The following PPIP5K2 variants were observed in gnomAD, a reference collection of about 807,000 sequenced individuals.
The protein encoded by PPIP5K2 is diphosphoinositol pentakisphosphate kinase 2.
A neutral mutation model predicts 154.6 loss-of-function variants in PPIP5K2; 105 were observed. The ratio of observed to expected loss-of-function variants is 0.68; its 90% CI spans 0.58 to 0.80. The LOEUF is 0.80. Among genes scored for constraint, PPIP5K2 ranks in the 30% least tolerant of loss-of-function variants. The probability of loss-of-function intolerance (pLI) is 0.00; values close to 1 mark genes in which losing one functional copy is unlikely to be tolerated. For missense variants in PPIP5K2, 992 were observed against 1,504.6 expected (o/e 0.66, Z 5.64); for synonymous variants, 480 against 490.3 (o/e 0.98, Z 0.28).
At position 103,207,146 on chromosome 5, in the gene PPIP5K2, CAT is replaced by C. The variant is rs1166013335; in HGVS notation, c.*5513_*5514del. The C allele has an allele frequency of 6.6e-6, 1 of 152,226 alleles. No homozygotes were observed. Among genetic ancestry groups the C allele is most frequent in the Non-Finnish European group, 1.5e-5 (1 of 68,076 alleles). The allele number at this position is 152,226 out of a possible 1,614,324, so 9.4% of individuals were successfully genotyped here. On this transcript the variant is annotated 3_prime_UTR_variant, in exon 31 of 31. Transcript: ENST00000358359. ...CCAGAGACTGGCTGTGTTTAAATCT[CAT>C]GTGGGAAGGGCACCTTTCCCCTACA... is the stretch of plus-strand genomic sequence containing the variant.
intron 24 of PPIP5K2, 76 bp downstream of exon 24, chr5:103,180,264 G>T: frequency 7.9e-7 from 1 of 1,260,286 alleles, no homozygotes; most frequent in Non-Finnish European, 1.0e-6. Context: ...AGAAAATACA[G>T]CTTTAATTGT....
In PPIP5K2 at chr5:103,151,388, A is replaced by C; in HGVS notation, c.1028+14A>C. Reference sequence around the variant, plus strand: ...AAAAATACTTGGGTAAGAATTTTTAAATTTTTCTTTTTACCTTCATATACT... The same window carrying C: ...AAAAATACTTGGGTAAGAATTTTTACATTTTTCTTTTTACCTTCATATACT... On this transcript the variant is annotated intron_variant, in intron 9 of 30. Transcript: ENST00000358359. 6.3e-7 allele frequency: 1 copy of C among 1,579,612 alleles called. No individual in the cohort carries two copies. The highest frequency in any genetic ancestry group is 8.6e-7 in the Non-Finnish European group (1 of 1,159,354).
At chr5:103,122,976 A>C (rs1789026575) in intron 1 of PPIP5K2, among the ~76,000 whole-genome samples, 2 of 152,230 alleles carry the variant, frequency 1.3e-5, no homozygotes, top group Admixed American at 6.5e-5. Flanking sequence ...AGTCTCAAGC[A>C]GTGTGGTAAG....
Position 103,177,775 on chromosome 5 carries a change from G to T in PPIP5K2, c.2637+1G>T. 1 of 1,605,342 alleles carries T rather than the reference G, an allele frequency of 6.2e-7. No homozygotes were observed. On this transcript the variant is annotated splice_donor_variant, in intron 22 of 30. Coordinates refer to ENST00000358359, the MANE Select transcript of PPIP5K2 (RefSeq NM_001276277.3). LOFTEE classifies it high-confidence loss of function. ...CATGCTTTATGAGGATCCTAATAAG[G>T]TAAACAGAGCTCTTGATTTGTGTTT...
intron 19 of PPIP5K2, among the ~76,000 whole-genome samples, chr5:103,168,990 A>AT (rs1554218779): frequency 6.6e-6 from 1 of 151,776 alleles, no homozygotes; most frequent in Non-Finnish European, 1.5e-5. Flanking sequence ...CTTATATAAA[A>AT]TTTTTTGCAA....
intron 24 of PPIP5K2, 72 bp downstream of exon 24, chr5:103,180,260 T>C: frequency 7.7e-7 from 1 of 1,300,692 alleles, no homozygotes; most frequent in Non-Finnish European, 1.0e-6. Flanking sequence ...GAAAAGAAAA[T>C]ACAGCTTTAA....
intron 5 of PPIP5K2, among the ~76,000 whole-genome samples, chr5:103,143,802 C>T (rs1793262408): frequency 7.2e-6 from 1 of 138,250 alleles, no homozygotes; most frequent in African/African-American, 2.5e-5. Flanking sequence ...GATAAAAGCG[C>T]TATATGACAA....
chr5:103,154,811 T>G, intron 12 of PPIP5K2, 23 bp from the exon 13 acceptor site: 1 of 1,546,064 alleles, frequency 6.5e-7, no homozygotes, highest in Non-Finnish European at 8.7e-7. Flanking sequence ...AAAAATTCAA[T>G]TTTTTATTAA....
At chr5:103,163,561 T>A (rs1318285349) in intron 17 of PPIP5K2, among the ~76,000 whole-genome samples, 9 of 151,946 alleles carry the variant, frequency 5.9e-5, no homozygotes, top group Admixed American at 5.9e-4. Context: ...TTTCTTGCTT[T>A]CCATAGGTAG....
Position 103,131,482 on chromosome 5 carries a change from TA to T in PPIP5K2, c.114+1783del, listed in dbSNP as rs1790600380. Among the ~76,000 whole-genome samples, 9 of 152,272 alleles carry T rather than the reference TA, an allele frequency of 5.9e-5. No homozygotes were observed. In the South Asian group the frequency reaches 1.9e-3, roughly 32 times the overall value. On this transcript the variant is annotated intron_variant, in intron 2 of 30. Transcript: ENST00000358359. ...ACATGATTAATTGAATCCATGGATG[TA>T]AAACCCATGGATATGGAGGGCCAAC... is the stretch of plus-strand genomic sequence containing the variant.
chr5:103,158,578 A>G lies in PPIP5K2; in HGVS notation c.1737+5A>G, dbSNP rs782379068. On this transcript the variant is annotated splice_donor_5th_base_variant and intron_variant, in intron 16 of 30. Transcript: ENST00000358359. The stretch of plus-strand genomic sequence containing the variant: ...ACTGCAGCTGCTTTTGCAAAGGTAT[A>G]AATAATTTTTTTTTAGAATTATTAG... 2 of 1,566,224 alleles carry G rather than the reference A, an allele frequency of 1.3e-6. No homozygotes were observed. Among genetic ancestry groups the G allele is most frequent in the Non-Finnish European group, 1.7e-6 (2 of 1,164,976 alleles).
chr5:103,158,042 A>G (rs1795689784), intron 14 of PPIP5K2, 146 bp from the exon 15 acceptor site: 21 of 821,046 alleles, frequency 2.6e-5, no homozygotes, highest in Non-Finnish European at 3.8e-5. Flanking sequence ...ATTAAGGAAC[A>G]TACATGCAAC....
chr5:103,146,730 G>T (rs375795954), intron 6 of PPIP5K2, 49 bp downstream of exon 6: 6 of 1,455,586 alleles, frequency 4.1e-6, no homozygotes, highest in Admixed American at 2.1e-5. Context: ...GTACATTGTC[G>T]TGTATTATTA....
At chr5:103,194,780 C>T in intron 29 of PPIP5K2, 120 bp from the exon 30 acceptor site, 21 of 1,118,094 alleles carry the variant, frequency 1.9e-5, no homozygotes, top group South Asian at 9.0e-5. Flanking sequence ...TTACCTTGAC[C>T]ATTTTCTTCT....
At chr5:103,186,575 A>G in intron 27 of PPIP5K2, 136 bp downstream of exon 27, 1 of 1,223,742 alleles carries the variant, frequency 8.2e-7, no homozygotes, top group Non-Finnish European at 1.2e-6. Context: ...AATGACTATC[A>G]GTGCTCTCTG....
rs1366565803 is a variant in PPIP5K2, at chr5:103,154,659, T to A, written c.1218-11T>A. The A allele has an allele frequency of 1.4e-6, 2 of 1,461,774 alleles. No individual in the cohort carries two copies. The highest frequency in any genetic ancestry group is 1.9e-6 in the Non-Finnish European group (2 of 1,066,130). 90.6% of individuals were successfully genotyped at this position (1,461,774 alleles called of 1,614,324 possible). A position where few individuals can be genotyped will look rare whatever the true frequency, so the allele number is the denominator to read the frequency against. On this transcript the variant is annotated splice_polypyrimidine_tract_variant and intron_variant, in intron 11 of 30. Coordinates refer to ENST00000358359, the MANE Select transcript of PPIP5K2 (RefSeq NM_001276277.3). ...TGCAAGTGACTAACAGTGTTCTGTC[T>A]TTTTTATAAGATTTTTTGATCTTTT... is the stretch of plus-strand genomic sequence containing the variant.
rs1795103264 is a variant in PPIP5K2, at chr5:103,154,521, T to G, written c.1218-149T>G. On this transcript the variant is annotated intron_variant, in intron 11 of 30. Coordinates refer to ENST00000358359, the MANE Select transcript of PPIP5K2 (RefSeq NM_001276277.3). ...TATCAATCAAAGTTGAGCAGCAACA[T>G]GTACAGTGAAAGAGGAAACACAGTA... is the stretch of plus-strand genomic sequence containing the variant. 8 of 533,646 alleles carry G rather than the reference T, an allele frequency of 1.5e-5. No individual in the cohort carries two copies. In the South Asian group the frequency reaches 2.2e-4, roughly 15 times the overall value. 33.1% of individuals were successfully genotyped at this position (533,646 alleles called of 1,614,324 possible).
At chr5:103,170,425 T>C (rs1435320358) in intron 19 of PPIP5K2, among the ~76,000 whole-genome samples, 1 of 151,602 alleles carries the variant, frequency 6.6e-6, no homozygotes, top group African/African-American at 2.4e-5. Flanking sequence ...AACTCTAAAA[T>C]TATTTTTCTC....
intron 21 of PPIP5K2, among the ~76,000 whole-genome samples, chr5:103,175,310 C>A (rs1264135581): frequency 1.3e-5 from 2 of 151,954 alleles, no homozygotes; most frequent in Non-Finnish European, 2.9e-5. Context: ...TATGTTCTTT[C>A]TTCTGGTTTT....
Sources: gnomAD v4.1 joint callset for allele counts (sites outside exome capture counted in the v4.1 genomes callset) on GRCh38, gnomAD v4.1.1 for gene constraint, MANE v1.5 for transcripts, NCBI Gene and HGNC (gene_info 2026-07-23, HGNC 2026-07-21) for gene names.